Variants in TACC2 observed in about 807,000 individuals in gnomAD.
The protein encoded by TACC2 is transforming acidic coiled-coil containing protein 2.
A neutral mutation model predicts 227.3 loss-of-function variants in TACC2; 137 were observed. The observed-to-expected ratio is 0.60, with a 90% CI of 0.52 to 0.69. The LOEUF is 0.69. Ranked by LOEUF, TACC2 falls within the 30% of genes least tolerant of loss-of-function variation. The probability of loss-of-function intolerance (pLI) is 0.00; values close to 1 mark genes in which losing one functional copy is unlikely to be tolerated. For synonymous variants in TACC2, 1,523 were observed against 1,487.5 expected, an observed-to-expected ratio of 1.02 and a Z score of -0.55; for missense variants, 3,470 against 3,694.4, an observed-to-expected ratio of 0.94 and a Z score of 1.57.
chr10:122,108,446 T>TC (rs1391726484), intron 5 of TACC2, among the ~76,000 whole-genome samples: 4 of 141,386 alleles, frequency 2.8e-5, no homozygotes, highest in South Asian at 2.3e-4. Flanking sequence ...TATTTTCTTT[T>TC]TTTTTTTTTT....
chr10:122,110,514 A>G (rs560921249), intron 5 of TACC2, among the ~76,000 whole-genome samples: 16 of 152,276 alleles, frequency 1.1e-4, no homozygotes, highest in South Asian at 4.2e-4. Flanking sequence ...CCCTGACTTC[A>G]TCTTCTAATG....
chr10:122,190,229 T>C (rs772986648), intron 7 of TACC2, among the ~76,000 whole-genome samples: 1 of 152,206 alleles, frequency 6.6e-6, no homozygotes, highest in Non-Finnish European at 1.5e-5. Flanking sequence ...CCTGAAAATA[T>C]TTAAACCAGA....
intron 8 of TACC2, among the ~76,000 whole-genome samples, chr10:122,206,076 G>C (rs2140940365): frequency 6.7e-6 from 1 of 150,012 alleles, no homozygotes; most frequent in Admixed American, 6.6e-5. Context: ...TGTGCACAGT[G>C]AACTCACTGG....
At chr10:122,146,638 C>A (rs770826772) in intron 7 of TACC2, among the ~76,000 whole-genome samples, 14 of 152,174 alleles carry the variant, frequency 9.2e-5, no homozygotes, top group African/African-American at 3.1e-4. Flanking sequence ...AAGGCCCTCA[C>A]CAGATGCTGC....
At chr10:122,062,488 T>G (rs1400783270) in intron 3 of TACC2, among the ~76,000 whole-genome samples, 4 of 151,692 alleles carry the variant, frequency 2.6e-5, no homozygotes, top group Non-Finnish European at 5.9e-5. Flanking sequence ...TTTTTTTTTT[T>G]TTTTTAGTAG....
At chr10:122,110,846 G>T (rs1034912861) in intron 5 of TACC2, among the ~76,000 whole-genome samples, 1 of 152,162 alleles carries the variant, frequency 6.6e-6, no homozygotes, top group Non-Finnish European at 1.5e-5. Flanking sequence ...TAGGAGCTGT[G>T]TAGGTGAAAT....
chr10:122,090,501 T>A (rs1408940519), intron 5 of TACC2, among the ~76,000 whole-genome samples: 1 of 141,688 alleles, frequency 7.1e-6, no homozygotes, highest in South Asian at 2.2e-4. Flanking sequence ...GAGCCGAGAT[T>A]GCGCCACTGC....
chr10:122,196,944 A>AC (rs551468129), intron 8 of TACC2, among the ~76,000 whole-genome samples: 86 of 143,786 alleles, frequency 6.0e-4, no homozygotes, highest in Middle Eastern at 3.9e-3. Context: ...AAAAAAAAAA[A>AC]AAAAAAACAA....
Position 122,229,500 on chromosome 10 carries a change from G to A in TACC2, c.8037+14G>A, listed in dbSNP as rs747270841. On this transcript the variant is annotated intron_variant, in intron 15 of 22. Transcript: ENST00000369005. ...CAGAAACTCCAGGTTTGTAGCCCAC[G>A]TGTGACCTTTTGGGAGTTTGTCAAA... is the stretch of plus-strand genomic sequence containing the variant. The A allele has an allele frequency of 1.9e-6, 3 of 1,613,704 alleles. No homozygotes were observed. The African/African-American group carries it at 4.0e-5, about 22-fold the overall frequency.
Position 122,145,559 on chromosome 10 carries a change from G to A in TACC2, c.5834+1853G>A, listed in dbSNP as rs556558421. The stretch of plus-strand genomic sequence containing the variant: ...GCATGAAGAGATCTTTGTGGGGGGT[G>A]ATGGAAATGTTCTGTAAAATTTGTG... On this transcript the variant is annotated intron_variant, in intron 7 of 22. Transcript: ENST00000369005. Among the ~76,000 whole-genome samples, 15 of 152,270 alleles carry A rather than the reference G, an allele frequency of 9.9e-5. No individual in the cohort carries two copies. The South Asian group carries it at 3.1e-3, about 32-fold the overall frequency.
At chr10:122,130,314 C>A (rs1046291021) in intron 5 of TACC2, among the ~76,000 whole-genome samples, 1 of 152,080 alleles carries the variant, frequency 6.6e-6, no homozygotes, top group Non-Finnish European at 1.5e-5. Context: ...CCTTCTTCAT[C>A]TGTACTCTAG....
chr10:122,168,140 A>G (rs1449414345), intron 7 of TACC2, among the ~76,000 whole-genome samples: 2 of 150,462 alleles, frequency 1.3e-5, no homozygotes, highest in African/African-American at 2.4e-5. Flanking sequence ...CCTGGGCTCA[A>G]GTGAGCCATC....
At chr10:122,021,834 AT>A in intron 1 of TACC2, 102 bp from the exon 2 acceptor site, 1 of 674,636 alleles carries the variant, frequency 1.5e-6, no homozygotes, top group African/African-American at 1.8e-5. Context: ...AGAGATAAAC[AT>A]TTCCCATCAT....
chr10:122,206,126 G>C (rs904518916), intron 8 of TACC2, among the ~76,000 whole-genome samples: 1 of 152,186 alleles, frequency 6.6e-6, no homozygotes, highest in Non-Finnish European at 1.5e-5. Flanking sequence ...AGGCGCCAGT[G>C]CGGGGGCTGG....
rs183608136 is a variant in TACC2 at position 122,210,871 on chromosome 10, C to T, written c.6446C>T (p.Pro2149Leu). 3 of 1,613,680 alleles carry T rather than the reference C, an allele frequency of 1.9e-6. No homozygotes were observed. The highest frequency in any genetic ancestry group is 1.1e-5 in the South Asian group (1 of 91,048). Residue 2149 changes from proline (P) to leucine (L), a missense_variant, in exon 9 of 23, where the codon CCA (proline) becomes CTA (leucine). Coordinates refer to ENST00000369005, the MANE Select transcript of TACC2 (RefSeq NM_206862.4). This position sits in a 1 kb window ranked among gnomAD's most constrained non-coding sequence, Gnocchi z 4.6. The stretch of plus-strand genomic sequence containing the variant: ...ACCAAGAAACCCACAGAGACCCCCC[C>T]AGTGAAGGAGACGCAACAGGAGCCA... Reference protein sequence around the residue: ...QTTKKPTETPPVKETQQEPDE... With the variant: ...QTTKKPTETPLVKETQQEPDE...
intron 7 of TACC2, among the ~76,000 whole-genome samples, chr10:122,191,122 T>C (rs957179061): frequency 6.9e-6 from 1 of 143,982 alleles, no homozygotes; most frequent in African/African-American, 2.5e-5. Flanking sequence ...GCCAGGACCC[T>C]TTTTTTTTTT....
At chr10:122,045,984 A>G (rs2074935761) in intron 2 of TACC2, among the ~76,000 whole-genome samples, 1 of 148,948 alleles carries the variant, frequency 6.7e-6, no homozygotes, top group Non-Finnish European at 1.5e-5. Flanking sequence ...CCAGCCTGCC[A>G]ACATGGTGAG....
At chr10:122,109,993 C>A (rs916418450) in intron 5 of TACC2, among the ~76,000 whole-genome samples, 4 of 152,282 alleles carry the variant, frequency 2.6e-5, no homozygotes, top group Middle Eastern at 3.4e-3. Context: ...TTATGTAGAA[C>A]TTAAAGATAT....
In TACC2 at chr10:122,085,245, T is replaced by G. The variant is rs1461510287; in HGVS notation, c.2745T>G (p.Thr915=). ...AAGGCACCCTGTCTGATACTCCAAC[T>G]TCATCTCCCACTGACATGGTTTGGG... ...LPKGTLSDTP[T]SSPTDMVWES... is the part of the protein sequence containing the mutation. The change falls in exon 4 of 23, where the codon ACT becomes ACG. Residue 915 remains threonine, a synonymous_variant. Coordinates refer to ENST00000369005, the MANE Select transcript of TACC2 (RefSeq NM_206862.4). 5.0e-6 allele frequency: 8 copies of G among 1,613,936 alleles called. No homozygotes were observed. The highest frequency in any genetic ancestry group is 6.8e-6 in the Non-Finnish European group (8 of 1,180,040).
Sources: gnomAD v4.1 joint callset for allele counts (sites outside exome capture counted in the v4.1 genomes callset) on GRCh38, gnomAD v4.1.1 for gene constraint, Gnocchi (gnomAD v3.1) non-coding constraint, MANE v1.5 for transcripts, NCBI Gene and HGNC (gene_info 2026-07-23, HGNC 2026-07-21) for gene names.